Variants in LIMS1 observed in about 807,000 individuals in gnomAD.
LIMS1 encodes LIM zinc finger domain containing 1.
LIMS1 carries 18 observed loss-of-function variants against 44.1 expected under a neutral mutation model. That is an observed-to-expected ratio of 0.41 (90% CI 0.28 to 0.61). LIMS1 has a LOEUF of 0.61. LIMS1 is among the 20% of genes least tolerant of loss of function. The probability of loss-of-function intolerance (pLI) is 0.32; values close to 1 mark genes in which losing one functional copy is unlikely to be tolerated. For synonymous variants in LIMS1, 93 were observed against 149.1 expected (o/e 0.62, Z 2.74); for missense variants, 201 against 422.0 (o/e 0.48, Z 4.59).
chr2:108,570,972 C>T (rs1363809814), intron 1 of LIMS1, among the ~76,000 whole-genome samples: 1 of 152,162 alleles, frequency 6.6e-6, no homozygotes, highest in Non-Finnish European at 1.5e-5. Flanking sequence ...CTCAAAGTTG[C>T]TAAAAACATT....
chr2:108,647,005 G>A (rs987455640), intron 1 of LIMS1, among the ~76,000 whole-genome samples: 11 of 152,096 alleles, frequency 7.2e-5, no homozygotes, highest in African/African-American at 2.7e-4. Flanking sequence ...ACAGGCATGA[G>A]TCACCGCGCC....
At chr2:108,610,878 G>A (rs1485921915) in intron 1 of LIMS1, among the ~76,000 whole-genome samples, 1 of 152,154 alleles carries the variant, frequency 6.6e-6, no homozygotes, top group Admixed American at 6.5e-5. Flanking sequence ...AATAATTTTA[G>A]ATTTATAGAA....
At chr2:108,660,155 G>A (rs1691250686) in intron 2 of LIMS1, 3 of 484,494 alleles carry the variant, frequency 6.2e-6, no homozygotes, top group Non-Finnish European at 1.3e-5. Flanking sequence ...CTTCTCAGAG[G>A]ACCACTGGAC....
In LIMS1 at chr2:108,593,729, A is replaced by G. The variant is rs1686523742; in HGVS notation, c.32+59135A>G. ...CTAGCAACAGCTGGGAAGAAATCAT[A>G]AAGTGAATTTTCCACAGATAAACCA... On this transcript the variant is annotated intron_variant, in intron 1 of 9. Transcript: ENST00000544547. 2.0e-5 allele frequency among the ~76,000 whole-genome samples: 3 copies of G among 152,216 alleles called. No individual in the cohort carries two copies. In the South Asian group the frequency reaches 6.2e-4, roughly 31 times the overall value.
At chr2:108,587,045 C>T (rs1201294831) in intron 1 of LIMS1, among the ~76,000 whole-genome samples, 19 of 152,168 alleles carry the variant, frequency 1.2e-4, no homozygotes, top group Admixed American at 1.2e-3. Context: ...TTTCAGAGTA[C>T]GTGAAGGTGA....
At chr2:108,540,820 G>A (rs773943987) in intron 1 of LIMS1, among the ~76,000 whole-genome samples, 6 of 152,176 alleles carry the variant, frequency 3.9e-5, no homozygotes, top group Non-Finnish European at 8.8e-5. Context: ...AGCCCAAGAT[G>A]TGGTTGTATT....
chr2:108,685,983 C>T (rs1202126243), exon 10 of LIMS1: 2 of 152,218 alleles, frequency 1.3e-5, no homozygotes, highest in African/African-American at 2.4e-5. Context: ...ACCCAGGCAT[C>T]TCCTGCAGCC....
intron 1 of LIMS1, among the ~76,000 whole-genome samples, chr2:108,612,011 T>TATTATATATACACAC (rs1687670312): frequency 4.5e-5 from 6 of 133,546 alleles, no homozygotes; most frequent in Admixed American, 4.0e-4. Flanking sequence ...TACACACATA[T>TATTATATATACACAC]ATATATACAC....
chr2:108,646,655 C>T (rs1168939515), intron 1 of LIMS1, among the ~76,000 whole-genome samples: 5 of 152,142 alleles, frequency 3.3e-5, no homozygotes, highest in South Asian at 2.1e-4. Flanking sequence ...GATAGATACA[C>T]GAAAAACCCT....
rs1161982942 is a variant in LIMS1 at position 108,680,678 on chromosome 2, C to G, written c.824-17C>G. The G allele has an allele frequency of 7.5e-6, 12 of 1,605,752 alleles. No homozygotes were observed. In the Admixed American group the frequency reaches 1.9e-4, roughly 25 times the overall value. On this transcript the variant is annotated splice_polypyrimidine_tract_variant and intron_variant, in intron 8 of 9. Transcript: ENST00000544547. ...GATGTATTTCCATGTGACCAGATCT[C>G]TTTCCTCTTTCTCCAGTGGTCTCTG... is the stretch of plus-strand genomic sequence containing the variant.
At chr2:108,661,157 C>T (rs1354304521) in intron 2 of LIMS1, among the ~76,000 whole-genome samples, 1 of 137,770 alleles carries the variant, frequency 7.3e-6, no homozygotes, top group African/African-American at 2.8e-5. Context: ...AAATACAGGG[C>T]TAGCAAGTAT....
intron 1 of LIMS1, among the ~76,000 whole-genome samples, chr2:108,579,624 G>A (rs1056586358): frequency 6.6e-6 from 1 of 152,180 alleles, no homozygotes; most frequent in Admixed American, 6.5e-5. Flanking sequence ...TTAAACTTGT[G>A]TTACACTTCC....
In LIMS1 at chr2:108,613,547, C is replaced by T. The variant is rs547107905; in HGVS notation, c.33-46058C>T. Among the ~76,000 whole-genome samples the T allele has an allele frequency of 5.3e-5, 8 of 152,212 alleles. No homozygotes were observed. The South Asian group carries it at 1.7e-3, about 32-fold the overall frequency. On this transcript the variant is annotated intron_variant, in intron 1 of 9. Transcript: ENST00000544547. ...ACTCTCCTTGCTGTTCTCTCTGTCA[C>T]CACCCTGGCTAGCTCAAGCTGCTGT...
chr2:108,610,250 A>G (rs1032022536), intron 1 of LIMS1, among the ~76,000 whole-genome samples: 5 of 150,702 alleles, frequency 3.3e-5, no homozygotes, highest in South Asian at 2.1e-4. Flanking sequence ...GGGTCTCACT[A>G]TGTTGGTCAG....
intron 5 of LIMS1, chr2:108,673,384 T>C (rs1364235237): frequency 1.2e-5 from 4 of 327,024 alleles, no homozygotes; most frequent in African/African-American, 2.2e-5. Context: ...ATACTTTTTG[T>C]AAATTTTTTT....
chr2:108,619,609 G>A (rs989649896), intron 1 of LIMS1, among the ~76,000 whole-genome samples: 6 of 152,084 alleles, frequency 3.9e-5, no homozygotes, highest in East Asian at 3.9e-4. Flanking sequence ...ACTTGAACCC[G>A]GGAGGCGGAG....
chr2:108,616,573 G>A (rs1157003156), intron 1 of LIMS1, among the ~76,000 whole-genome samples: 2 of 152,286 alleles, frequency 1.3e-5, no homozygotes, highest in East Asian at 1.9e-4. Flanking sequence ...CAGGAAGCCT[G>A]ATTAAGGAGA....
At chr2:108,622,342 G>A (rs1039554925) in intron 1 of LIMS1, among the ~76,000 whole-genome samples, 1 of 152,094 alleles carries the variant, frequency 6.6e-6, no homozygotes, top group Middle Eastern at 3.2e-3. Context: ...CTAACTTCCA[G>A]AGTTTATTTT....
chr2:108,641,783 T>C (rs553291232), intron 1 of LIMS1, among the ~76,000 whole-genome samples: 1 of 152,362 alleles, frequency 6.6e-6, no homozygotes, highest in Non-Finnish European at 1.5e-5. Context: ...CAAAATGGCA[T>C]ATTAATTACA....
Sources: gnomAD v4.1 joint callset for allele counts (sites outside exome capture counted in the v4.1 genomes callset) on GRCh38, gnomAD v4.1.1 for gene constraint, MANE v1.5 for transcripts, NCBI Gene and HGNC (gene_info 2026-07-23, HGNC 2026-07-21) for gene names.